Variants in AK5 observed in about 807,000 individuals in gnomAD.
The protein encoded by AK5 is adenylate kinase 5.
Under a neutral mutation model 69.5 loss-of-function variants are expected in AK5, and 27 were observed. The observed-to-expected ratio is 0.39, with a 90% CI of 0.29 to 0.54. The LOEUF (loss-of-function observed/expected upper bound fraction) is 0.54, where lower values mean the gene tolerates loss of function less well. Among genes scored for constraint, AK5 ranks in the 20% least tolerant of loss-of-function variants. The pLI, the probability that AK5 is intolerant of heterozygous loss-of-function variation, is 0.71. For synonymous variants in AK5, 260 were observed against 244.4 expected (o/e 1.06, Z -0.60); for missense variants, 531 against 700.4 (o/e 0.76, Z 2.73).
chr1:77,544,774 T>C lies in AK5; in HGVS notation c.1620+8736T>C, dbSNP rs1334685894. ...TGCCTGAGGCTGTTTGACAGTTAGC[T>C]CTTTTTTAACAAGTAGAAAAAATGC... On this transcript the variant is annotated intron_variant, in intron 13 of 13. Coordinates refer to ENST00000354567, the MANE Select transcript of AK5 (RefSeq NM_174858.3). Among the ~76,000 whole-genome samples, 8 of 152,202 alleles carry C rather than the reference T, an allele frequency of 5.3e-5. No individual in the cohort carries two copies. The East Asian group carries it at 1.5e-3, about 29-fold the overall frequency.
At chr1:77,339,262 T>A (rs1661524448) in intron 5 of AK5, among the ~76,000 whole-genome samples, 1 of 152,218 alleles carries the variant, frequency 6.6e-6, no homozygotes, top group Non-Finnish European at 1.5e-5. Context: ...CTTTGGAGAT[T>A]ATTGCTTCAA....
rs969507749 is a variant in AK5, at chr1:77,559,339, T to A, written c.*669T>A. 6.6e-6 allele frequency: 1 copy of A among 152,130 alleles called. No homozygotes were observed. Among genetic ancestry groups the A allele is most frequent in the Non-Finnish European group, 1.5e-5 (1 of 68,016 alleles). The allele number at this position is 152,130 out of a possible 1,614,324, so 9.4% of individuals were successfully genotyped here. On this transcript the variant is annotated 3_prime_UTR_variant, in exon 14 of 14. Coordinates refer to ENST00000354567, the MANE Select transcript of AK5 (RefSeq NM_174858.3). ...AGTAACCTTCTCTATTATTATTATT[T>A]TTTAGAAACTTGGAATACTGTCGTC... is the stretch of plus-strand genomic sequence containing the variant.
At chr1:77,456,215 G>A (rs74092645) in intron 8 of AK5, among the ~76,000 whole-genome samples, 6,936 of 152,256 alleles carry the variant, frequency 0.046, 402 homozygotes, top group East Asian at 0.19. Context: ...GAACTGTAAT[G>A]ATAAGACTCT....
intron 5 of AK5, among the ~76,000 whole-genome samples, chr1:77,300,143 G>A (rs1659252106): frequency 1.3e-5 from 2 of 152,176 alleles, no homozygotes; most frequent in Non-Finnish European, 2.9e-5. Flanking sequence ...GGAGGGAAGA[G>A]AGGATTCCCT....
At chr1:77,351,674 C>G (rs1230395416) in intron 6 of AK5, among the ~76,000 whole-genome samples, 1 of 152,094 alleles carries the variant, frequency 6.6e-6, no homozygotes, top group African/African-American at 2.4e-5. Flanking sequence ...AAAAGCTTTC[C>G]CATAAACCCC....
chr1:77,520,007 GCCTGGCCAA>G (rs1167913746), intron 11 of AK5, among the ~76,000 whole-genome samples: 1 of 152,066 alleles, frequency 6.6e-6, no homozygotes, highest in Non-Finnish European at 1.5e-5. Flanking sequence ...TTTGAGACCA[GCCTGGCCAA>G]CATGGTGAAA....
intron 13 of AK5, among the ~76,000 whole-genome samples, chr1:77,536,561 T>G (rs188052217): frequency 6.6e-6 from 1 of 152,302 alleles, no homozygotes; most frequent in Non-Finnish European, 1.5e-5. Context: ...AAAAAGGTGG[T>G]CATATAATTT....
intron 6 of AK5, among the ~76,000 whole-genome samples, chr1:77,385,685 G>C (rs890793093): frequency 1.3e-5 from 2 of 152,164 alleles, no homozygotes; most frequent in African/African-American, 4.8e-5. Context: ...AGAAATGGAG[G>C]TAACACAGGA....
At position 77,521,909 on chromosome 1, in the gene AK5, G is replaced by A. The variant is rs2803140; in HGVS notation, c.1394G>A (p.Arg465Gln). The A allele has an allele frequency of 1.7e-3, 2,789 of 1,612,832 alleles. 51 individuals are homozygous for A. The African/African-American group carries it at 0.032, about 19-fold the overall frequency. The change falls in exon 12 of 14, where the codon CGG becomes CAG. Residue 465 changes from arginine to glutamine, a missense_variant. Arg to Gln is a conservative substitution (Grantham distance 43). Transcript: ENST00000354567. ...GGCTTCCTGATTGACGGCTATCCTCGGGAGGTGAAGCAAGGGGAAGAGTTC... is the reference window on the plus strand; with the variant it reads ...GGCTTCCTGATTGACGGCTATCCTCAGGAGGTGAAGCAAGGGGAAGAGTTC... ...TRGFLIDGYP[R>Q]EVKQGEEFGR...
intron 8 of AK5, among the ~76,000 whole-genome samples, chr1:77,447,211 C>T (rs1426160626): frequency 1.3e-5 from 2 of 152,226 alleles, no homozygotes; most frequent in Admixed American, 6.5e-5. Flanking sequence ...AGAAGAAAGA[C>T]AAGTTCCACT....
chr1:77,530,875 G>C lies in AK5; in HGVS notation c.1429-4972G>C, dbSNP rs1658535029. 4.6e-5 allele frequency among the ~76,000 whole-genome samples: 7 copies of C among 152,264 alleles called. No individual in the cohort carries two copies. The South Asian group carries it at 1.5e-3, about 32-fold the overall frequency. ...GAAAACTAAGGTGGGGGTGGAGTCA[G>C]AGGGCAGGAGGGCAAACTTCTCCTC... On this transcript the variant is annotated intron_variant, in intron 12 of 13. Transcript: ENST00000354567.
chr1:77,378,290 T>C (rs951224425), intron 6 of AK5, among the ~76,000 whole-genome samples: 3 of 152,232 alleles, frequency 2.0e-5, no homozygotes, highest in Non-Finnish European at 4.4e-5. Flanking sequence ...ATGACTTACA[T>C]TGTAAGGTCC....
chr1:77,398,608 G>C (rs1241473443), intron 6 of AK5, among the ~76,000 whole-genome samples: 1 of 152,176 alleles, frequency 6.6e-6, no homozygotes, highest in African/African-American at 2.4e-5. Flanking sequence ...TAACTGCTGG[G>C]CTCAGAATGC....
intron 6 of AK5, among the ~76,000 whole-genome samples, chr1:77,410,600 T>A (rs1297100927): frequency 6.6e-6 from 1 of 152,012 alleles, no homozygotes; most frequent in Non-Finnish European, 1.5e-5. Context: ...TTTGTTTTTG[T>A]TTTTGTTTTT....
chr1:77,477,003 A>AGTGTGTGTGTGTGT (rs10625085), intron 8 of AK5, among the ~76,000 whole-genome samples: 24 of 147,092 alleles, frequency 1.6e-4, no homozygotes, highest in African/African-American at 4.0e-4. Context: ...TGTTCTTTTT[A>AGTGTGTGTGTGTGT]GTGTGTGTGT....
intron 6 of AK5, among the ~76,000 whole-genome samples, chr1:77,400,180 G>A (rs1649112786): frequency 6.6e-6 from 1 of 152,172 alleles, no homozygotes; most frequent in African/African-American, 2.4e-5. Flanking sequence ...TCCATCCTAA[G>A]ACTACTTCCA....
At chr1:77,391,468 CAT>C (rs1648447693) in intron 6 of AK5, among the ~76,000 whole-genome samples, 1 of 86,554 alleles carries the variant, frequency 1.2e-5, no homozygotes, top group African/African-American at 4.5e-5. Context: ...TATATATACA[CAT>C]ATGTGTGTGT....
chr1:77,375,146 C>G (rs181192795), intron 6 of AK5, among the ~76,000 whole-genome samples: 1 of 152,158 alleles, frequency 6.6e-6, no homozygotes, highest in Non-Finnish European at 1.5e-5. Context: ...AGATACTTGG[C>G]CAAGTCACTG....
chr1:77,533,535 A>C (rs1342010383), intron 12 of AK5, among the ~76,000 whole-genome samples: 2 of 136,604 alleles, frequency 1.5e-5, no homozygotes, highest in East Asian at 2.2e-4. Flanking sequence ...AAAAAAAAAA[A>C]CAGATTCTGC....
Sources: gnomAD v4.1 joint callset for allele counts (sites outside exome capture counted in the v4.1 genomes callset) on GRCh38, gnomAD v4.1.1 for gene constraint, MANE v1.5 for transcripts, NCBI Gene and HGNC (gene_info 2026-07-23, HGNC 2026-07-21) for gene names.